The following PLA2G4C variants were observed in gnomAD, a reference collection of about 807,000 sequenced individuals.
The protein encoded by PLA2G4C is phospholipase A2 group IVC.
A neutral mutation model predicts 73.8 loss-of-function variants in PLA2G4C; 64 were observed. The ratio of observed to expected loss-of-function variants is 0.87; its 90% CI spans 0.71 to 1.07. PLA2G4C has a LOEUF of 1.07. Among genes scored for constraint, PLA2G4C ranks in the 50% least tolerant of loss-of-function variants. The probability of loss-of-function intolerance (pLI) is 0.00; values close to 1 mark genes in which losing one functional copy is unlikely to be tolerated. For missense variants in PLA2G4C, 622 were observed against 665.4 expected (o/e 0.93, Z 0.72); for synonymous variants, 254 against 252.1 (o/e 1.01, Z -0.07).
chr19:48,092,300 C>T (rs1244058950), intron 7 of PLA2G4C, among the ~76,000 whole-genome samples: 5 of 152,170 alleles, frequency 3.3e-5, no homozygotes, highest in African/African-American at 4.8e-5. Context: ...CCACCCGCCT[C>T]GGCCTCCCAA....
chr19:48,105,424 G>C lies in PLA2G4C; in HGVS notation c.29C>G (p.Pro10Arg), dbSNP rs1372212107. 1 of 1,613,030 alleles carries C rather than the reference G, an allele frequency of 6.2e-7. No individual in the cohort carries two copies. The highest frequency in any genetic ancestry group is 8.5e-7 in the Non-Finnish European group (1 of 1,179,572). Residue 10 changes from proline to arginine, a missense_variant, in exon 3 of 17, where the codon CCT becomes CGT. Pro to Arg is a moderately radical substitution (Grantham distance 103, BLOSUM62 -2). Transcript: ENST00000599921. ...CGCCTTTTCTTCTTTCTGGAGCCCAGGAATTATGGAAACTTCAGAGCTTCC... is the reference window on the plus strand; with the variant it reads ...CGCCTTTTCTTCTTTCTGGAGCCCACGAATTATGGAAACTTCAGAGCTTCC... MGSSEVSIIPGLQKEEKAAV... is the reference protein window; with the variant it reads MGSSEVSIIRGLQKEEKAAV...
chr19:48,058,621 C>T (rs191363271), intron 14 of PLA2G4C, among the ~76,000 whole-genome samples: 1 of 152,082 alleles, frequency 6.6e-6, no homozygotes, highest in African/African-American at 2.4e-5. Context: ...AGTTCAAGAC[C>T]AGCCTGGCCA....
chr19:48,093,182 C>T (rs1373752344), intron 7 of PLA2G4C, among the ~76,000 whole-genome samples: 1 of 152,078 alleles, frequency 6.6e-6, no homozygotes, highest in Non-Finnish European at 1.5e-5. Context: ...AGGGGAAGAT[C>T]CCCTTCATCC....
At chr19:48,108,071 G>T (rs1310199876) in intron 1 of PLA2G4C, among the ~76,000 whole-genome samples, 4 of 152,004 alleles carry the variant, frequency 2.6e-5, no homozygotes, top group East Asian at 1.9e-4. Flanking sequence ...TGGTGGTAGT[G>T]GTCCCCCAGG....
At chr19:48,088,184 C>T (rs914912237) in intron 9 of PLA2G4C, among the ~76,000 whole-genome samples, 8 of 152,066 alleles carry the variant, frequency 5.3e-5, no homozygotes, top group African/African-American at 1.9e-4. Context: ...CCATTCCAGC[C>T]CTGTAGGCAA....
intron 4 of PLA2G4C, 78 bp downstream of exon 4, chr19:48,104,510 C>A (rs935649505): frequency 1.4e-6 from 2 of 1,421,612 alleles, no homozygotes; most frequent in South Asian, 1.2e-5. Context: ...GAAAAAACCA[C>A]ACACATTTGG....
chr19:48,062,294 TTC>T, intron 13 of PLA2G4C, 142 bp from the exon 14 acceptor site: 3 of 633,930 alleles, frequency 4.7e-6, no homozygotes, highest in Non-Finnish European at 5.2e-6. Context: ...AGGAGCTGAC[TTC>T]TCTCTCTTCC....
chr19:48,091,976 G>A (rs564875934), intron 7 of PLA2G4C, among the ~76,000 whole-genome samples: 3 of 151,616 alleles, frequency 2.0e-5, no homozygotes, highest in South Asian at 2.1e-4. Context: ...TGATGAGGAC[G>A]TGGAGAAATT....
chr19:48,110,543 C>CGGTGCGGAGGCTTGGGCTCCGGAATCT lies in PLA2G4C; in HGVS notation c.-90_-89insAGATTCCGGAGCCCAAGCCTCCGCACC, dbSNP rs1555757416. 11 of 1,530,806 alleles carry CGGTGCGGAGGCTTGGGCTCCGGAATCT rather than the reference C, an allele frequency of 7.2e-6. 1 individual carries two copies. Among genetic ancestry groups the CGGTGCGGAGGCTTGGGCTCCGGAATCT allele is most frequent in the African/African-American group, 6.9e-5 (5 of 72,586 alleles). 94.8% of individuals were successfully genotyped at this position (1,530,806 alleles called of 1,614,324 possible). A position where few individuals can be genotyped will look rare whatever the true frequency, so the allele number is the denominator to read the frequency against. On this transcript the variant is annotated 5_prime_UTR_variant, in exon 1 of 17. Transcript: ENST00000599921. ...GCGGTGGAGCTTGTGCTCCGGAATC[C>CGGTGCGGAGGCTTGGGCTCCGGAATCT]GGTGCGGAGGCTTGGGCTCCCTGCG...
chr19:48,096,173 G>A (rs2031556325), intron 6 of PLA2G4C, among the ~76,000 whole-genome samples: 1 of 152,126 alleles, frequency 6.6e-6, no homozygotes, highest in Non-Finnish European at 1.5e-5. Flanking sequence ...AAAATGAGGA[G>A]GGGGTGATTT....
chr19:48,055,636 G>T (rs1967912008), intron 14 of PLA2G4C, among the ~76,000 whole-genome samples: 1 of 28,576 alleles, frequency 3.5e-5, no homozygotes, highest in South Asian at 2.1e-3. Context: ...CACCGTGAAG[G>T]TACTTTTCTT....
In PLA2G4C at chr19:48,062,013, G is replaced by C. The variant is rs1340580684; in HGVS notation, c.1242C>G (p.Ala414=). ...TCTCGATTACCTCGAAAGGATCTCC[G>C]GCACTGAAGTCGAAGGAGAGGATGA... ...VHLILSFDFS[A]GDPFETIRAT... The change falls in exon 14 of 17, where the codon GCC becomes GCG. Residue 414 remains alanine, a synonymous_variant. Transcript: ENST00000599921. 7 of 1,613,856 alleles carry C rather than the reference G, an allele frequency of 4.3e-6. No homozygotes were observed. Among genetic ancestry groups the C allele is most frequent in the African/African-American group, 1.3e-5 (1 of 74,968 alleles).
Position 48,105,876 on chromosome 19 carries a change from TC to T in PLA2G4C, c.9-433del, listed in dbSNP as rs1568457146. Among the ~76,000 whole-genome samples the T allele has an allele frequency of 8.8e-3, 315 of 35,910 alleles. 48 individuals are homozygous for T. The highest frequency in any genetic ancestry group is 0.024 in the African/African-American group (220 of 9,202). The allele number at this position is 35,910 out of a possible 152,430, so 23.6% of individuals were successfully genotyped here. A position where few individuals can be genotyped will look rare whatever the true frequency, so the allele number is the denominator to read the frequency against. On this transcript the variant is annotated intron_variant, in intron 2 of 16. Transcript: ENST00000599921. ...CTTCCTTCCTTCCTCCTTCCTTCCTTCCCTCCTTCTTTCCCTCCCTCCCTCC... is the reference window on the plus strand; with the variant it reads ...CTTCCTTCCTTCCTCCTTCCTTCCTTCCTCCTTCTTTCCCTCCCTCCCTCC...
In PLA2G4C at chr19:48,067,816, G is replaced by A. The variant is rs1432482565; in HGVS notation, c.1077C>T (p.Thr359=). The change falls in exon 13 of 17, where the codon ACC becomes ACT. Residue 359 remains threonine (T), a synonymous_variant. Coordinates refer to ENST00000599921, the MANE Select transcript of PLA2G4C (RefSeq NM_003706.3). ...CGTGTTTGTACAGGAAGTTGTGAGT[G>A]GTCCCCCATTCCCACTTTGAAGCGC... ...GICASKWEWG[T]THNFLYKHGG... The A allele has an allele frequency of 3.1e-6, 5 of 1,611,784 alleles. No individual in the cohort carries two copies. Among genetic ancestry groups the A allele is most frequent in the Non-Finnish European group, 3.4e-6 (4 of 1,178,028 alleles).
chr19:48,105,082 C>CAA (rs3083068), intron 3 of PLA2G4C, among the ~76,000 whole-genome samples: 27,186 of 87,068 alleles, frequency 0.31, 4,264 homozygotes, highest in East Asian at 0.51. Context: ...GACGTTGTCT[C>CAA]AAAAAAAAAA....
rs112193679 is a variant in PLA2G4C at position 48,092,442 on chromosome 19, G to T, written c.710-2025C>A. 7.0e-3 allele frequency among the ~76,000 whole-genome samples: 1,068 copies of T among 152,346 alleles called. 12 individuals are homozygous for T. The highest frequency in any genetic ancestry group is 0.024 in the African/African-American group (1,006 of 41,580). ...AGAATTGAAAGCAGGGTCTCAAAGA[G>T]ATATTCATAGACCCATGTGCATGGC... On this transcript the variant is annotated intron_variant, in intron 7 of 16. Transcript: ENST00000599921.
At chr19:48,086,681 G>C (rs912498697) in intron 9 of PLA2G4C, among the ~76,000 whole-genome samples, 1 of 152,088 alleles carries the variant, frequency 6.6e-6, no homozygotes, top group Admixed American at 6.5e-5. Context: ...CCACCTGCTG[G>C]GTGGAGGCCA....
intron 7 of PLA2G4C, among the ~76,000 whole-genome samples, chr19:48,092,068 ATT>A (rs34316461): frequency 4.2e-4 from 60 of 144,098 alleles, no homozygotes; most frequent in African/African-American, 5.5e-4. Context: ...CAAAAAAAAA[ATT>A]TTTTTTTTTT....
In PLA2G4C at chr19:48,098,148, T is replaced by TTGGTAAGCACCTCC. The variant is rs1451701125; in HGVS notation, c.558_559insGGAGGTGCTTACCA (p.Arg187GlyfsTer30). On this transcript the variant is annotated frameshift_variant, in exon 6 of 17. Coordinates refer to ENST00000599921, the MANE Select transcript of PLA2G4C (RefSeq NM_003706.3). LOFTEE classifies it high-confidence loss of function. The stretch of plus-strand genomic sequence containing the variant: ...CTAAATGTTTGCTTACCTGGTGCTC[T>TTGGTAAGCACCTCC]TGCCTCCTGCCAGGAAGGTTGCAGG... 6.2e-7 allele frequency: 1 copy of TTGGTAAGCACCTCC among 1,613,628 alleles called. No homozygotes were observed. The highest frequency in any genetic ancestry group is 1.1e-5 in the South Asian group (1 of 90,972).
Sources: gnomAD v4.1 joint callset for allele counts (sites outside exome capture counted in the v4.1 genomes callset) on GRCh38, gnomAD v4.1.1 for gene constraint, MANE v1.5 for transcripts, NCBI Gene and HGNC (gene_info 2026-07-23, HGNC 2026-07-21) for gene names.